USP10: variants seen among roughly 807,000 people sequenced by gnomAD.
The protein encoded by USP10 is ubiquitin specific peptidase 10.
In USP10, 22 loss-of-function variants were observed where a neutral mutation model predicts 84.5. The ratio of observed to expected loss-of-function variants is 0.26; its 90% CI spans 0.19 to 0.37. The LOEUF (loss-of-function observed/expected upper bound fraction) is 0.37, where lower values mean the gene tolerates loss of function less well. Among genes scored for constraint, USP10 ranks in the 10% least tolerant of loss-of-function variants. The probability of loss-of-function intolerance (pLI) is 1.00; values close to 1 mark genes in which losing one functional copy is unlikely to be tolerated. For synonymous variants in USP10, 454 were observed against 387.6 expected, an observed-to-expected ratio of 1.17 and a Z score of -2.01; for missense variants, 1,019 against 998.9, an observed-to-expected ratio of 1.02 and a Z score of -0.27.
chr16:84,768,217 A>G lies in USP10; in HGVS notation c.1857A>G (p.Ser619=). Residue 619 remains serine, a synonymous_variant, in exon 11 of 14, where the codon TCA becomes TCG. Coordinates refer to ENST00000219473, the MANE Select transcript of USP10 (RefSeq NM_005153.3). The part of the protein sequence containing the change: ...HIRSVVYQQS[S]KESATLQPFF... ...GGTCTGTGGTTTACCAGCAGAGTTC[A>G]AAAGAATCTGCCACTTTGCAGCCAT... is the stretch of plus-strand genomic sequence containing the variant. 1.3e-6 allele frequency: 2 copies of G among 1,597,010 alleles called. No individual in the cohort carries two copies. Among genetic ancestry groups the G allele is most frequent in the Non-Finnish European group, 8.5e-7 (1 of 1,170,610 alleles).
intron 10 of USP10, among the ~76,000 whole-genome samples, chr16:84,764,532 A>G (rs1038638306): frequency 1.9e-4 from 29 of 152,292 alleles, no homozygotes; most frequent in Middle Eastern, 3.4e-3. Flanking sequence ...AGGGAGTAAG[A>G]GAAAAGCCAG....
rs567343370 is a variant in USP10, at chr16:84,715,786, T to C, written c.21+15675T>C. Among the ~76,000 whole-genome samples the C allele has an allele frequency of 4.0e-4, 61 of 152,354 alleles. 1 individual carries two copies. In the South Asian group the frequency reaches 9.3e-3, roughly 23 times the overall value. On this transcript the variant is annotated intron_variant, in intron 1 of 13. Coordinates refer to ENST00000219473, the MANE Select transcript of USP10 (RefSeq NM_005153.3). ...TAATTCAGCCGTTTAGTTACAGTTT[T>C]GAGGACGTGGCTTCTTTTCATTTTT...
chr16:84,751,759 A>C (rs1371691340), intron 4 of USP10, among the ~76,000 whole-genome samples: 1 of 152,234 alleles, frequency 6.6e-6, no homozygotes, highest in Non-Finnish European at 1.5e-5. Context: ...CAGGTCAACA[A>C]CACCAGAATG....
chr16:84,763,784 G>A (rs939944448), intron 9 of USP10, among the ~76,000 whole-genome samples: 2 of 151,370 alleles, frequency 1.3e-5, no homozygotes, highest in Non-Finnish European at 2.9e-5. Flanking sequence ...ATCCAGTGAC[G>A]TTGCACCTGT....
In USP10 at chr16:84,763,100, T is replaced by A. The variant is rs746344932; in HGVS notation, c.1654+12T>A. 6.3e-7 allele frequency: 1 copy of A among 1,580,768 alleles called. No individual in the cohort carries two copies. The highest frequency in any genetic ancestry group is 8.7e-7 in the Non-Finnish European group (1 of 1,151,064). On this transcript the variant is annotated intron_variant, in intron 9 of 13. Coordinates refer to ENST00000219473, the MANE Select transcript of USP10 (RefSeq NM_005153.3). ...ACCAAGTAATGAAAGTAGGTTATGG[T>A]CCACTTGCCGCAGAGTTGTGCAAGA...
At chr16:84,715,090 A>G (rs769499295) in intron 1 of USP10, among the ~76,000 whole-genome samples, 43 of 152,016 alleles carry the variant, frequency 2.8e-4, no homozygotes, top group Non-Finnish European at 5.6e-4. Context: ...CACCATGCCT[A>G]GCTACTTTTT....
Position 84,700,094 on chromosome 16 carries a change from G to T in USP10, c.4G>T (p.Ala2Ser). 7.4e-7 allele frequency: 1 copy of T among 1,358,508 alleles called. No individual in the cohort carries two copies. The highest frequency in any genetic ancestry group is 9.7e-7 in the Non-Finnish European group (1 of 1,034,588). The allele number at this position is 1,358,508 out of a possible 1,614,324, so 84.2% of individuals were successfully genotyped here. Residue 2 changes from alanine to serine, a missense_variant, in exon 1 of 14, where the codon GCC becomes TCC. Ala to Ser is a moderately conservative substitution (Grantham distance 99). Coordinates refer to ENST00000219473, the MANE Select transcript of USP10 (RefSeq NM_005153.3). ...AGTCCCAATGAAACGGGCAGCCATG[G>T]CCCTCCACAGCCCGCAGGTAGCCGC... is the stretch of plus-strand genomic sequence containing the variant. M[A>S]LHSPQYIFGD...
intron 12 of USP10, among the ~76,000 whole-genome samples, chr16:84,772,895 C>T (rs756356395): frequency 6.6e-6 from 1 of 151,750 alleles, no homozygotes; most frequent in Non-Finnish European, 1.5e-5. Flanking sequence ...AATAACTAAA[C>T]TCTATAATCT....
chr16:84,752,718 C>T (rs890859633), intron 4 of USP10, among the ~76,000 whole-genome samples: 2 of 152,116 alleles, frequency 1.3e-5, no homozygotes, highest in Admixed American at 6.5e-5. Flanking sequence ...TGCTTTTGCA[C>T]CCCTGTTTTT....
In USP10 at chr16:84,768,030, G is replaced by A. The variant is rs548908752; in HGVS notation, c.1833-163G>A. The stretch of plus-strand genomic sequence containing the variant: ...ATCTGTTTAACAAAGCACATCTTCA[G>A]CAGAATTATTTTTAAATTCAGTATA... On this transcript the variant is annotated intron_variant, in intron 10 of 13. Coordinates refer to ENST00000219473, the MANE Select transcript of USP10 (RefSeq NM_005153.3). Among the ~76,000 whole-genome samples, 4 of 152,264 alleles carry A rather than the reference G, an allele frequency of 2.6e-5. No homozygotes were observed. In the South Asian group the frequency reaches 8.3e-4, roughly 32 times the overall value.
intron 1 of USP10, among the ~76,000 whole-genome samples, chr16:84,702,282 C>T (rs1904985238): frequency 6.6e-6 from 1 of 151,966 alleles, no homozygotes; most frequent in African/African-American, 2.4e-5. Context: ...GTCTCAAACT[C>T]CTGAGCTCAG....
Position 84,720,784 on chromosome 16 carries a change from G to A in USP10, c.22-12651G>A, listed in dbSNP as rs186989642. Reference sequence around the variant, plus strand: ...TTTTTAATAGAGACGGGGTTTCACCGTATTAGCGGGGATGGTCTCGATCTC... The same window carrying A: ...TTTTTAATAGAGACGGGGTTTCACCATATTAGCGGGGATGGTCTCGATCTC... On this transcript the variant is annotated intron_variant, in intron 1 of 13. Coordinates refer to ENST00000219473, the MANE Select transcript of USP10 (RefSeq NM_005153.3). Among the ~76,000 whole-genome samples, 240 of 149,934 alleles carry A rather than the reference G, an allele frequency of 1.6e-3. 1 individual carries two copies. Among genetic ancestry groups the A allele is most frequent in the African/African-American group, 5.5e-3 (222 of 40,706 alleles).
intron 4 of USP10, among the ~76,000 whole-genome samples, chr16:84,754,200 C>T (rs1444338981): frequency 1.3e-5 from 2 of 152,036 alleles, no homozygotes; most frequent in African/African-American, 2.4e-5. Flanking sequence ...TGCCTTCTGT[C>T]GGTCTTACTC....
rs536995533 is a variant in USP10, at chr16:84,703,084, G to C, written c.21+2973G>C. 5.3e-5 allele frequency among the ~76,000 whole-genome samples: 8 copies of C among 150,876 alleles called. No homozygotes were observed. The East Asian group carries it at 1.6e-3, about 29-fold the overall frequency. On this transcript the variant is annotated intron_variant, in intron 1 of 13. Coordinates refer to ENST00000219473, the MANE Select transcript of USP10 (RefSeq NM_005153.3). ...TAACCTTATTTCCAAATATTAGAAAGTGTTGGTTGATCCCTGTTACCTGTA... is the reference window on the plus strand; with the variant it reads ...TAACCTTATTTCCAAATATTAGAAACTGTTGGTTGATCCCTGTTACCTGTA...
intron 9 of USP10, 46 bp from the exon 10 acceptor site, chr16:84,764,040 T>C (rs766044773): frequency 1.9e-6 from 3 of 1,540,666 alleles, no homozygotes; most frequent in Non-Finnish European, 2.6e-6. Flanking sequence ...TTTTTTTTGC[T>C]GTTCTTGTCG....
chr16:84,764,032 T>A (rs1210627231), intron 9 of USP10, 54 bp from the exon 10 acceptor site: 1 of 1,529,898 alleles, frequency 6.5e-7, no homozygotes, highest in Admixed American at 2.4e-5. Context: ...TGCCTTTTTT[T>A]TTTTTGCTGT....
intron 11 of USP10, among the ~76,000 whole-genome samples, chr16:84,771,482 T>A (rs1341326748): frequency 6.6e-6 from 1 of 151,734 alleles, no homozygotes; most frequent in Non-Finnish European, 1.5e-5. Context: ...GCAACCAGAG[T>A]GAGATCCTGT....
chr16:84,722,680 C>T (rs998238408), intron 1 of USP10, among the ~76,000 whole-genome samples: 1 of 152,090 alleles, frequency 6.6e-6, no homozygotes, highest in Non-Finnish European at 1.5e-5. Flanking sequence ...TCCTGCTAGC[C>T]TCCCGAGTAG....
At chr16:84,728,861 C>G (rs899440802) in intron 1 of USP10, among the ~76,000 whole-genome samples, 2 of 152,068 alleles carry the variant, frequency 1.3e-5, no homozygotes, top group Non-Finnish European at 2.9e-5. Context: ...TGTAGTGGCA[C>G]CATCTTGGCT....
Sources: gnomAD v4.1 joint callset for allele counts (sites outside exome capture counted in the v4.1 genomes callset) on GRCh38, gnomAD v4.1.1 for gene constraint, MANE v1.5 for transcripts, NCBI Gene and HGNC (gene_info 2026-07-23, HGNC 2026-07-21) for gene names.